Variants in RASAL2 observed in about 807,000 individuals in gnomAD.
RASAL2 encodes the protein RAS protein activator like 2, also known as ras GTPase-activating protein nGAP.
A neutral mutation model predicts 128.9 loss-of-function variants in RASAL2; 58 were observed. The ratio of observed to expected loss-of-function variants is 0.45; its 90% CI spans 0.36 to 0.56. The LOEUF is 0.56. RASAL2 is among the 20% of genes least tolerant of loss of function. The pLI, the probability that RASAL2 is intolerant of heterozygous loss-of-function variation, is 0.00. For missense variants in RASAL2, 1,360 were observed against 1,601.6 expected, an observed-to-expected ratio of 0.85 and a Z score of 2.57; for synonymous variants, 561 against 580.8, an observed-to-expected ratio of 0.97 and a Z score of 0.49.
At chr1:178,140,683 G>A (rs1392421461) in intron 1 of RASAL2, among the ~76,000 whole-genome samples, 2 of 152,096 alleles carry the variant, frequency 1.3e-5, no homozygotes, top group African/African-American at 2.4e-5. Context: ...TCTCCATTGT[G>A]TTGGATGTAC....
intron 1 of RASAL2, among the ~76,000 whole-genome samples, chr1:178,127,044 T>C (rs1364741903): frequency 6.6e-6 from 1 of 152,180 alleles, no homozygotes; most frequent in Non-Finnish European, 1.5e-5. Context: ...TGTCCTTCAT[T>C]TTGTAGCTTA....
intron 1 of RASAL2, among the ~76,000 whole-genome samples, chr1:178,095,241 C>G (rs1186373508): frequency 6.6e-6 from 1 of 152,210 alleles, no homozygotes; most frequent in African/African-American, 2.4e-5. Context: ...TCAGATTACA[C>G]TATTGTTTCT....
At chr1:178,222,443 T>G (rs955743452) in intron 1 of RASAL2, among the ~76,000 whole-genome samples, 29 of 152,224 alleles carry the variant, frequency 1.9e-4, no homozygotes, top group African/African-American at 6.3e-4. Flanking sequence ...CTTTTGAGTT[T>G]GCAATATACA....
At chr1:178,353,387 C>T (rs1670625543) in intron 3 of RASAL2, among the ~76,000 whole-genome samples, 2 of 152,214 alleles carry the variant, frequency 1.3e-5, no homozygotes, top group East Asian at 3.9e-4. Flanking sequence ...GGGCAGAAGG[C>T]CACCAGGTTC....
chr1:178,319,886 C>G (rs1214064911), intron 3 of RASAL2, among the ~76,000 whole-genome samples: 2 of 152,212 alleles, frequency 1.3e-5, no homozygotes, highest in African/African-American at 4.8e-5. Flanking sequence ...TTTAGAGTTT[C>G]CAGTTTTTCT....
At chr1:178,104,261 C>T (rs990116900) in intron 1 of RASAL2, among the ~76,000 whole-genome samples, 4 of 152,084 alleles carry the variant, frequency 2.6e-5, no homozygotes, top group African/African-American at 9.7e-5. Flanking sequence ...AAGAAGACTT[C>T]TTTATTCTAT....
intron 3 of RASAL2, among the ~76,000 whole-genome samples, chr1:178,315,039 G>A (rs1321736087): frequency 6.7e-6 from 1 of 148,306 alleles, no homozygotes; most frequent in East Asian, 2.0e-4. Context: ...AATATGTGGT[G>A]TTTGGTTTTT....
Position 178,353,251 on chromosome 1 carries a change from G to A in RASAL2, c.458-36849G>A, listed in dbSNP as rs948419288. ...TTTTACGTCATGTCTTTGCTCATGC[G>A]TATGAGCATAGGTTGTTAGAAGCAG... On this transcript the variant is annotated intron_variant, in intron 3 of 17. Transcript: ENST00000367649. 4.6e-5 allele frequency among the ~76,000 whole-genome samples: 7 copies of A among 152,222 alleles called. No homozygotes were observed. The East Asian group carries it at 7.7e-4, about 17-fold the overall frequency.
chr1:178,321,462 G>A (rs1668775148), intron 3 of RASAL2, among the ~76,000 whole-genome samples: 2 of 151,974 alleles, frequency 1.3e-5, no homozygotes, highest in South Asian at 4.1e-4. Flanking sequence ...CCAACTATCA[G>A]AGATTTGATA....
intron 3 of RASAL2, among the ~76,000 whole-genome samples, chr1:178,345,676 C>G (rs915264632): frequency 1.3e-5 from 2 of 152,112 alleles, no homozygotes; most frequent in African/African-American, 4.8e-5. Flanking sequence ...TTCAATCACT[C>G]TTCTTTCCAG....
At chr1:178,176,219 CTGT>C (rs1661884702) in intron 1 of RASAL2, among the ~76,000 whole-genome samples, 1 of 142,364 alleles carries the variant, frequency 7.0e-6, no homozygotes. Flanking sequence ...ATGCCAACAT[CTGT>C]TGTTTTTTGA....
chr1:178,148,365 T>C (rs1011351444), intron 1 of RASAL2, among the ~76,000 whole-genome samples: 1 of 152,170 alleles, frequency 6.6e-6, no homozygotes, highest in Non-Finnish European at 1.5e-5. Flanking sequence ...TCTTAAATGG[T>C]GAATTTAAGC....
At chr1:178,208,280 G>C (rs1282885891) in intron 1 of RASAL2, among the ~76,000 whole-genome samples, 1 of 152,164 alleles carries the variant, frequency 6.6e-6, no homozygotes, top group Non-Finnish European at 1.5e-5. Context: ...CCTATAAATG[G>C]ATGTGCGAGT....
chr1:178,111,481 G>A (rs894455213), intron 1 of RASAL2, among the ~76,000 whole-genome samples: 1 of 152,160 alleles, frequency 6.6e-6, no homozygotes, highest in Admixed American at 6.5e-5. Context: ...AGCAGTGTGT[G>A]GCAGGTTCCA....
chr1:178,185,115 T>G (rs1000412090), intron 1 of RASAL2, among the ~76,000 whole-genome samples: 2 of 151,944 alleles, frequency 1.3e-5, no homozygotes, highest in Admixed American at 6.6e-5. Flanking sequence ...GTTTTTGTTT[T>G]TTTTTTTTTA....
At chr1:178,157,428 GC>G (rs1355771317) in intron 1 of RASAL2, among the ~76,000 whole-genome samples, 1 of 152,152 alleles carries the variant, frequency 6.6e-6, no homozygotes, top group African/African-American at 2.4e-5. Flanking sequence ...TCACACCTCT[GC>G]CATTTTACCA....
intron 1 of RASAL2, among the ~76,000 whole-genome samples, chr1:178,112,209 C>T (rs573301389): frequency 5.3e-4 from 80 of 152,154 alleles, no homozygotes; most frequent in African/African-American, 1.8e-3. Flanking sequence ...GTTGATTTAT[C>T]CCTATTTTCT....
chr1:178,222,643 T>C (rs900187681), intron 1 of RASAL2, among the ~76,000 whole-genome samples: 1 of 152,160 alleles, frequency 6.6e-6, no homozygotes, highest in African/African-American at 2.4e-5. Context: ...TTTCAGGTTA[T>C]GAGAATATTT....
intron 1 of RASAL2, among the ~76,000 whole-genome samples, chr1:178,126,936 G>A (rs182484729): frequency 1.5e-3 from 233 of 152,284 alleles, no homozygotes; most frequent in African/African-American, 5.5e-3. Flanking sequence ...TTGAGGCTTG[G>A]CCTTCAGCAC....
Sources: gnomAD v4.1 joint callset for allele counts (sites outside exome capture counted in the v4.1 genomes callset) on GRCh38, gnomAD v4.1.1 for gene constraint, MANE v1.5 for transcripts, NCBI Gene and HGNC (gene_info 2026-07-23, HGNC 2026-07-21) for gene names.